The following LLGL2 variants were observed in gnomAD, a reference collection of about 807,000 sequenced individuals.
LLGL2 encodes the protein LLGL2, scribble cell polarity complex component.
In LLGL2, 81 loss-of-function variants were observed where a neutral mutation model predicts 123.2. That is an observed-to-expected ratio of 0.66 (90% CI 0.55 to 0.79). LLGL2 has a LOEUF of 0.79. Ranked by LOEUF, LLGL2 falls within the 30% of genes least tolerant of loss-of-function variation. The probability of loss-of-function intolerance (pLI) is 0.00; values close to 1 mark genes in which losing one functional copy is unlikely to be tolerated. For synonymous variants in LLGL2, 577 were observed against 594.1 expected, an observed-to-expected ratio of 0.97 and a Z score of 0.42; for missense variants, 1,273 against 1,414.6, an observed-to-expected ratio of 0.90 and a Z score of 1.61.
At chr17:75,531,940 C>T (rs886499488) in intron 1 of LLGL2, among the ~76,000 whole-genome samples, 7 of 152,000 alleles carry the variant, frequency 4.6e-5, no homozygotes, top group Non-Finnish European at 7.4e-5. Flanking sequence ...TTCAGGAATT[C>T]GGCAGAGACT....
At position 75,559,548 on chromosome 17, in the gene LLGL2, GCTT is replaced by G. The variant is rs1258009962; in HGVS notation, c.530+140_530+142del. The G allele has an allele frequency of 9.2e-7, 1 of 1,091,462 alleles. No individual in the cohort carries two copies. The highest frequency in any genetic ancestry group is 1.3e-6 in the Non-Finnish European group (1 of 782,530). The allele number at this position is 1,091,462 out of a possible 1,614,324, so 67.6% of individuals were successfully genotyped here. ...GGGGCTATAGCAGGGGAGGCTCTTG[GCTT>G]CCTACCTGTCACCTACTGAGAACCT... On this transcript the variant is annotated intron_variant, in intron 6 of 25. Coordinates refer to ENST00000392550, the MANE Select transcript of LLGL2 (RefSeq NM_001031803.2). This position sits in a 1 kb window ranked among gnomAD's most constrained non-coding sequence, Gnocchi z 4.6.
rs572614558 is a variant in LLGL2 at position 75,564,722 on chromosome 17, G to A, written c.1036+215G>A. On this transcript the variant is annotated intron_variant, in intron 10 of 25. Coordinates refer to ENST00000392550, the MANE Select transcript of LLGL2 (RefSeq NM_001031803.2). The surrounding 1 kb of genome is among the most constrained non-coding windows in gnomAD (Gnocchi z 4.9). ...CTACAAAAAATAAAAAAATTAGCCA[G>A]GTGTTGTGGCACGTACCTGTAGTCC... 1.0e-4 allele frequency: 72 copies of A among 702,674 alleles called. No individual in the cohort carries two copies. The African/African-American group carries it at 1.2e-3, about 12-fold the overall frequency. 43.5% of individuals were successfully genotyped at this position (702,674 alleles called of 1,614,324 possible). A position where few individuals can be genotyped will look rare whatever the true frequency, so the allele number is the denominator to read the frequency against.
intron 2 of LLGL2, among the ~76,000 whole-genome samples, chr17:75,545,125 C>T (rs147605316): frequency 8.7e-4 from 133 of 152,200 alleles, no homozygotes; most frequent in Non-Finnish European, 1.6e-3. Context: ...ACCCCTGCCC[C>T]CTTGCACCAA....
intron 3 of LLGL2, among the ~76,000 whole-genome samples, chr17:75,557,583 G>C (rs550441753): frequency 6.6e-6 from 1 of 152,326 alleles, no homozygotes; most frequent in East Asian, 1.9e-4. Flanking sequence ...CTCCAGCGGA[G>C]CCTGACCTCC....
chr17:75,571,191 G>A, intron 17 of LLGL2, 91 bp downstream of exon 17: 1 of 1,273,434 alleles, frequency 7.9e-7, no homozygotes, highest in Non-Finnish European at 1.1e-6. Flanking sequence ...CTGCCTGCCT[G>A]GCTGGTAGGA....
At chr17:75,566,510 A>G (rs75202808) in intron 10 of LLGL2, among the ~76,000 whole-genome samples, 12,562 of 152,244 alleles carry the variant, frequency 0.083, 492 homozygotes, top group Middle Eastern at 0.19. Flanking sequence ...GTTGCTATAA[A>G]GGGCTGGGTG....
chr17:75,555,121 G>T (rs1043099048), intron 2 of LLGL2, among the ~76,000 whole-genome samples: 16 of 150,382 alleles, frequency 1.1e-4, no homozygotes, highest in African/African-American at 3.7e-4. Flanking sequence ...AGCTTGCAGT[G>T]AGCCGAGATC....
intron 6 of LLGL2, 182 bp from the exon 7 acceptor site, chr17:75,562,834 T>G: frequency 1.4e-6 from 1 of 721,824 alleles, no homozygotes; most frequent in East Asian, 2.7e-5. Context: ...GCTCCCAAAG[T>G]GCTGGGATTA....
At chr17:75,551,232 A>C (rs1293904363) in intron 2 of LLGL2, among the ~76,000 whole-genome samples, 1 of 152,158 alleles carries the variant, frequency 6.6e-6, no homozygotes, top group Non-Finnish European at 1.5e-5. Context: ...ACTATGGAAC[A>C]ATGCGAGCCT....
chr17:75,528,047 TG>T (rs1568011237), intron 1 of LLGL2, among the ~76,000 whole-genome samples: 1 of 152,084 alleles, frequency 6.6e-6, no homozygotes, highest in Non-Finnish European at 1.5e-5. Flanking sequence ...CCTCCCAAAG[TG>T]TTAGGATTAC....
intron 1 of LLGL2, among the ~76,000 whole-genome samples, chr17:75,535,877 C>T (rs2053982127): frequency 6.6e-6 from 1 of 152,116 alleles, no homozygotes; most frequent in South Asian, 2.1e-4. Context: ...AAATATTTTG[C>T]CGGCCAGGTG....
rs781048098 is a variant in LLGL2 at position 75,558,123 on chromosome 17, A to G, written c.174-32A>G. The stretch of plus-strand genomic sequence containing the variant: ...CAAGGCAGGCAGGGGATGGTGTCCG[A>G]CCTTCCAGAGCTTTCCTGAGCCTAC... On this transcript the variant is annotated intron_variant, in intron 3 of 25. Transcript: ENST00000392550. This position sits in a 1 kb window ranked among gnomAD's most constrained non-coding sequence, Gnocchi z 4.0. The G allele has an allele frequency of 8.1e-6, 13 of 1,608,370 alleles. No homozygotes were observed. Among genetic ancestry groups the G allele is most frequent in the Middle Eastern group, 1.6e-4 (1 of 6,076 alleles).
chr17:75,557,285 G>T (rs1287307919), intron 3 of LLGL2, among the ~76,000 whole-genome samples: 2 of 152,158 alleles, frequency 1.3e-5, no homozygotes, highest in South Asian at 2.1e-4. Flanking sequence ...GGAGAGCAGG[G>T]CTCGGCAGCT....
chr17:75,558,112 G>C lies in LLGL2; in HGVS notation c.174-43G>C. On this transcript the variant is annotated intron_variant, in intron 3 of 25. Coordinates refer to ENST00000392550, the MANE Select transcript of LLGL2 (RefSeq NM_001031803.2). This position sits in a 1 kb window ranked among gnomAD's most constrained non-coding sequence, Gnocchi z 4.0. The stretch of plus-strand genomic sequence containing the variant: ...GGCCTGGCACTCAAGGCAGGCAGGG[G>C]ATGGTGTCCGACCTTCCAGAGCTTT... 6.3e-7 allele frequency: 1 copy of C among 1,585,426 alleles called. No individual in the cohort carries two copies. The highest frequency in any genetic ancestry group is 8.7e-7 in the Non-Finnish European group (1 of 1,154,300).
intron 2 of LLGL2, among the ~76,000 whole-genome samples, chr17:75,553,650 A>G (rs187521882): frequency 8.4e-4 from 128 of 152,318 alleles, no homozygotes; most frequent in African/African-American, 3.1e-3. Context: ...ATCAGTTGAC[A>G]TAGCATCGCT....
intron 3 of LLGL2, 195 bp from the exon 4 acceptor site, chr17:75,557,960 C>T: frequency 1.4e-6 from 1 of 693,008 alleles, no homozygotes; most frequent in Admixed American, 2.0e-5. Flanking sequence ...GATCAGGTCA[C>T]TGGCCTGGTG....
chr17:75,569,869 G>T, intron 14 of LLGL2, 94 bp from the exon 15 acceptor site: 1 of 1,354,260 alleles, frequency 7.4e-7, no homozygotes, highest in Non-Finnish European at 1.0e-6. Flanking sequence ...CTTGAGCCTT[G>T]GGCCCAGCTC....
chr17:75,565,437 A>T (rs567605934), intron 10 of LLGL2, among the ~76,000 whole-genome samples: 6 of 152,198 alleles, frequency 3.9e-5, no homozygotes, highest in Non-Finnish European at 7.4e-5. Context: ...GTTCAGGGGA[A>T]CCCCAAACCT....
At chr17:75,542,355 A>G (rs1318684291) in intron 1 of LLGL2, among the ~76,000 whole-genome samples, 2 of 151,920 alleles carry the variant, frequency 1.3e-5, no homozygotes, top group Admixed American at 6.6e-5. Flanking sequence ...TGCCTGGAGC[A>G]CGCGCCTCCA....
Sources: gnomAD v4.1 joint callset for allele counts (sites outside exome capture counted in the v4.1 genomes callset) on GRCh38, gnomAD v4.1.1 for gene constraint, Gnocchi (gnomAD v3.1) non-coding constraint, MANE v1.5 for transcripts, NCBI Gene and HGNC (gene_info 2026-07-23, HGNC 2026-07-21) for gene names.